Variants in ZNF385B observed in about 807,000 individuals in gnomAD.
ZNF385B encodes zinc finger protein 385B.
ZNF385B carries 23 observed loss-of-function variants against 39.2 expected under a neutral mutation model. The observed-to-expected ratio is 0.59, with a 90% CI of 0.42 to 0.83. The LOEUF (loss-of-function observed/expected upper bound fraction) is 0.83, where lower values mean the gene tolerates loss of function less well. Ranked by LOEUF, ZNF385B falls within the 40% of genes least tolerant of loss-of-function variation. ZNF385B has a pLI of 0.00. For synonymous variants in ZNF385B, 205 were observed against 222.6 expected, an observed-to-expected ratio of 0.92 and a Z score of 0.70; for missense variants, 552 against 598.9, an observed-to-expected ratio of 0.92 and a Z score of 0.82.
At chr2:179,693,924 A>C (rs1559097654) in intron 3 of ZNF385B, among the ~76,000 whole-genome samples, 1 of 152,234 alleles carries the variant, frequency 6.6e-6, no homozygotes, top group Non-Finnish European at 1.5e-5. Flanking sequence ...TCAAGTTTGC[A>C]GAATCAAAAA....
chr2:179,782,126 C>T (rs1043505595), intron 1 of ZNF385B, among the ~76,000 whole-genome samples: 3 of 152,164 alleles, frequency 2.0e-5, no homozygotes, highest in South Asian at 2.1e-4. Flanking sequence ...CTTCAAAAAG[C>T]GAATCTACCA....
intron 1 of ZNF385B, among the ~76,000 whole-genome samples, chr2:179,838,794 A>AT (rs34917472): frequency 0.038 from 5,751 of 152,142 alleles, 221 homozygotes; most frequent in African/African-American, 0.091. Flanking sequence ...GCAATTTGTA[A>AT]TTTTTTCATG....
At chr2:179,735,980 T>C (rs1701728161) in intron 3 of ZNF385B, among the ~76,000 whole-genome samples, 1 of 149,928 alleles carries the variant, frequency 6.7e-6, no homozygotes, top group African/African-American at 2.5e-5. Flanking sequence ...CATGTACACG[T>C]ATGTAACCTG....
At chr2:179,729,380 T>C (rs561677778) in intron 3 of ZNF385B, among the ~76,000 whole-genome samples, 1 of 152,252 alleles carries the variant, frequency 6.6e-6, no homozygotes, top group South Asian at 2.1e-4. Context: ...CAGAATCTTA[T>C]GAGTGCAAAA....
At chr2:179,519,507 A>T (rs2058333737) in intron 4 of ZNF385B, among the ~76,000 whole-genome samples, 3 of 152,210 alleles carry the variant, frequency 2.0e-5, no homozygotes, top group Admixed American at 2.0e-4. Flanking sequence ...TATTATATAT[A>T]TTCAGAGAAA....
chr2:179,791,822 T>C (rs768554158), intron 1 of ZNF385B, among the ~76,000 whole-genome samples: 15 of 152,212 alleles, frequency 9.9e-5, no homozygotes, highest in Non-Finnish European at 1.6e-4. Flanking sequence ...AATGGCACGA[T>C]TTTGGCTCAG....
intron 3 of ZNF385B, among the ~76,000 whole-genome samples, chr2:179,754,974 C>T (rs1559163887): frequency 1.3e-5 from 2 of 152,156 alleles, no homozygotes; most frequent in Non-Finnish European, 2.9e-5. Context: ...CTTCTGCTAG[C>T]TTTTGAATGT....
chr2:179,738,037 A>G (rs530147825), intron 3 of ZNF385B, among the ~76,000 whole-genome samples: 1 of 152,340 alleles, frequency 6.6e-6, no homozygotes, highest in East Asian at 1.9e-4. Context: ...TGATCTATCC[A>G]ACCCTTAAAC....
intron 4 of ZNF385B, among the ~76,000 whole-genome samples, chr2:179,527,968 G>T (rs1482590614): frequency 3.4e-5 from 5 of 148,702 alleles, no homozygotes; most frequent in South Asian, 2.2e-4. Flanking sequence ...GAATGGGAAA[G>T]AAACAATATT....
At chr2:179,475,263 T>C (rs1014164047) in intron 6 of ZNF385B, among the ~76,000 whole-genome samples, 2 of 151,490 alleles carry the variant, frequency 1.3e-5, no homozygotes, top group African/African-American at 4.9e-5. Context: ...TTTTTTTTTT[T>C]TTTTTTTGAC....
intron 1 of ZNF385B, among the ~76,000 whole-genome samples, chr2:179,849,331 A>T (rs1234589065): frequency 6.6e-6 from 1 of 152,262 alleles, no homozygotes; most frequent in Non-Finnish European, 1.5e-5. Flanking sequence ...ATCATGAATG[A>T]ATAAATGAGG....
intron 3 of ZNF385B, among the ~76,000 whole-genome samples, chr2:179,649,727 C>T (rs533056864): frequency 1.3e-5 from 2 of 152,122 alleles, no homozygotes; most frequent in South Asian, 4.1e-4. Flanking sequence ...AAACAAAGCA[C>T]AAAATCCATT....
rs574603040 is a variant in ZNF385B at position 179,487,269 on chromosome 2, A to G, written c.553-3835T>C. Among the ~76,000 whole-genome samples the G allele has an allele frequency of 4.6e-5, 7 of 152,376 alleles. No individual in the cohort carries two copies. The East Asian group carries it at 1.3e-3, about 29-fold the overall frequency. ...CTGCTTCGAGTTCAGGGTCAGGGAG[A>G]GAAGTGCAACAAGGCTTTTTAGCTT... On this transcript the variant is annotated intron_variant, in intron 5 of 9. Transcript: ENST00000410066.
rs557690662 is a variant in ZNF385B, at chr2:179,830,315, G to T, written c.-155+30786C>A. ...GTTCAGGCACTTTGAAAAATAGTTGGCAGTTTCTTACAAAGCCAAGCATTG... is the reference window on the plus strand; with the variant it reads ...GTTCAGGCACTTTGAAAAATAGTTGTCAGTTTCTTACAAAGCCAAGCATTG... On this transcript the variant is annotated intron_variant, in intron 1 of 9. Transcript: ENST00000410066. 5.3e-5 allele frequency among the ~76,000 whole-genome samples: 8 copies of T among 152,264 alleles called. No individual in the cohort carries two copies. In the East Asian group the frequency reaches 9.6e-4, roughly 18 times the overall value.
intron 3 of ZNF385B, among the ~76,000 whole-genome samples, chr2:179,733,337 A>G (rs1397806651): frequency 1.3e-5 from 2 of 152,204 alleles, no homozygotes; most frequent in Non-Finnish European, 2.9e-5. Context: ...TAGAAACCAC[A>G]AAGTCATCAT....
chr2:179,593,021 T>C (rs1687702469), intron 3 of ZNF385B, among the ~76,000 whole-genome samples: 1 of 152,122 alleles, frequency 6.6e-6, no homozygotes, highest in African/African-American at 2.4e-5. Flanking sequence ...AAAGTTACTG[T>C]TCAAAGGGAA....
At chr2:179,473,734 G>C (rs2053082880) in intron 6 of ZNF385B, among the ~76,000 whole-genome samples, 2 of 152,170 alleles carry the variant, frequency 1.3e-5, no homozygotes, top group East Asian at 3.9e-4. Flanking sequence ...CCATGTGTGT[G>C]TTCTCGTTGT....
intron 3 of ZNF385B, among the ~76,000 whole-genome samples, chr2:179,631,863 C>CAA (rs34934337): frequency 6.1e-5 from 9 of 146,410 alleles, no homozygotes; most frequent in Admixed American, 1.4e-4. Context: ...AACACAAAAA[C>CAA]AAACAAAAAA....
At chr2:179,763,671 T>A (rs1703526473) in intron 3 of ZNF385B, among the ~76,000 whole-genome samples, 2 of 152,214 alleles carry the variant, frequency 1.3e-5, no homozygotes, top group African/African-American at 2.4e-5. Context: ...TTTAGCTTCA[T>A]CCCACATATT....
Sources: allele counts gnomAD v4.1 joint callset (sites outside exome capture counted in the v4.1 genomes callset), GRCh38; gene constraint gnomAD v4.1.1; transcripts MANE v1.5; gene names NCBI Gene and HGNC (gene_info 2026-07-23, HGNC 2026-07-21).